The following CFAP36 variants were observed in gnomAD, a reference collection of about 807,000 sequenced individuals.
CFAP36 encodes the protein cilia and flagella associated protein 36, also known as cilia- and flagella-associated protein 36.
CFAP36 carries 37 observed loss-of-function variants against 50.5 expected under a neutral mutation model. The ratio of observed to expected loss-of-function variants is 0.73; its 90% CI spans 0.56 to 0.96. The LOEUF is 0.96. Among genes scored for constraint, CFAP36 ranks in the 50% least tolerant of loss-of-function variants. The pLI is 0.00. For missense variants in CFAP36, 407 were observed against 396.2 expected (o/e 1.03, Z -0.23); for synonymous variants, 138 against 128.2 (o/e 1.08, Z -0.52).
chr2:55,521,804 A>G (rs1167807021), intron 1 of CFAP36, among the ~76,000 whole-genome samples: 1 of 151,570 alleles, frequency 6.6e-6, no homozygotes, highest in African/African-American at 2.4e-5. Context: ...TGATTTTTGT[A>G]TTTTTAGTAG....
intron 2 of CFAP36, among the ~76,000 whole-genome samples, chr2:55,522,785 G>A (rs528620261): frequency 6.6e-6 from 1 of 152,222 alleles, no homozygotes; most frequent in East Asian, 2.0e-4. Context: ...TGCCCAGCCT[G>A]TCTTGTGATT....
At chr2:55,543,502 T>C (rs899916882) in intron 7 of CFAP36, among the ~76,000 whole-genome samples, 1 of 152,210 alleles carries the variant, frequency 6.6e-6, no homozygotes, top group Non-Finnish European at 1.5e-5. Context: ...AAAATTATAG[T>C]TTTACATTAA....
At position 55,543,950 on chromosome 2, in the gene CFAP36, A is replaced by G. The variant is rs1333617718; in HGVS notation, c.653A>G (p.His218Arg). The G allele has an allele frequency of 1.1e-5, 17 of 1,612,096 alleles. No homozygotes were observed. Among genetic ancestry groups the G allele is most frequent in the African/African-American group, 2.7e-5 (2 of 74,796 alleles). The change falls in exon 8 of 10, where the codon CAT becomes CGT. Residue 218 changes from histidine to arginine, a missense_variant. Physicochemically the swap from His to Arg is conservative, Grantham distance 29 (BLOSUM62 0). Coordinates refer to ENST00000349456, the MANE Select transcript of CFAP36 (RefSeq NM_080667.7). ...TACTTATTGCCAGAAGTTAAAATGC[A>G]TTTTGCTAATCAGTCAATAGAACCT... is the stretch of plus-strand genomic sequence containing the variant. ...FAHPPSEVKM[H>R]FANQSIEPLG...
intron 7 of CFAP36, among the ~76,000 whole-genome samples, chr2:55,543,555 G>A (rs1684695397): frequency 6.6e-6 from 1 of 152,170 alleles, no homozygotes; most frequent in Non-Finnish European, 1.5e-5. Context: ...GCAAGCAAAA[G>A]TTTGGAAACC....
At chr2:55,536,515 A>G (rs1025518741) in intron 6 of CFAP36, among the ~76,000 whole-genome samples, 15 of 151,770 alleles carry the variant, frequency 9.9e-5, no homozygotes, top group Non-Finnish European at 1.8e-4. Flanking sequence ...CAGTGGCGCA[A>G]TCTCGGCTCA....
chr2:55,521,593 A>ATGTGTGTGTGTGTGTG (rs72277001), intron 1 of CFAP36, among the ~76,000 whole-genome samples: 1 of 147,494 alleles, frequency 6.8e-6, no homozygotes, highest in African/African-American at 2.5e-5. Context: ...TTAATAGTAT[A>ATGTGTGTGTGTGTGTG]TATGTGTGTG....
At chr2:55,532,754 C>A (rs551948048) in intron 4 of CFAP36, among the ~76,000 whole-genome samples, 28 of 152,210 alleles carry the variant, frequency 1.8e-4, no homozygotes, top group African/African-American at 6.7e-4. Flanking sequence ...TAAGAGTAGA[C>A]CCAAAATCCT....
chr2:55,535,847 T>C (rs1170460668), intron 6 of CFAP36, 84 bp downstream of exon 6: 2 of 1,464,926 alleles, frequency 1.4e-6, no homozygotes, highest in Non-Finnish European at 1.8e-6. Context: ...TTAAAATTTA[T>C]ACTTATGTGG....
chr2:55,528,899 G>A lies in CFAP36; in HGVS notation c.304G>A (p.Ala102Thr). The change falls in exon 4 of 10, where the codon GCA becomes ACA. Residue 102 changes from alanine to threonine, a missense_variant. Transcript: ENST00000349456. ...ACAGGCCATTTTGCAACCTGTGTTG[G>A]CAGCAGAAGATTTTACTATCTTTAA... ...TSQAILQPVL[A>T]AEDFTIFKAM... 6.2e-7 allele frequency: 1 copy of A among 1,606,514 alleles called. No individual in the cohort carries two copies. Among genetic ancestry groups the A allele is most frequent in the South Asian group, 1.1e-5 (1 of 89,032 alleles).
intron 3 of CFAP36, 53 bp from the exon 4 acceptor site, chr2:55,528,825 G>C: frequency 9.5e-7 from 1 of 1,050,886 alleles, no homozygotes; most frequent in South Asian, 1.5e-5. Flanking sequence ...CGAATGTATG[G>C]GTAATAGTTT....
At chr2:55,521,852 A>G (rs1684076118) in intron 1 of CFAP36, among the ~76,000 whole-genome samples, 1 of 151,358 alleles carries the variant, frequency 6.6e-6, no homozygotes. Context: ...CTGGTCTCGA[A>G]CTCCTGATCG....
intron 1 of CFAP36, 54 bp downstream of exon 1, chr2:55,519,970 C>G (rs1684013392): frequency 6.5e-7 from 1 of 1,542,426 alleles, no homozygotes; most frequent in Non-Finnish European, 8.9e-7. Flanking sequence ...ACACCAGCGG[C>G]GGGCAGGGGG....
chr2:55,535,687 TTTATC>T lies in CFAP36; in HGVS notation c.486-20_486-16del, dbSNP rs1684462304. On this transcript the variant is annotated intron_variant, in intron 5 of 9. Transcript: ENST00000349456. ...TTGACCAAAAAAGGAAATTTATCTT[TTTATC>T]TTATTTTTGTATATTTCAGAAAATC... 6.7e-7 allele frequency: 1 copy of T among 1,494,144 alleles called. No individual in the cohort carries two copies. The allele number at this position is 1,494,144 out of a possible 1,614,324, so 92.6% of individuals were successfully genotyped here.
intron 7 of CFAP36, among the ~76,000 whole-genome samples, chr2:55,541,752 G>A (rs1168189052): frequency 2.0e-5 from 3 of 152,138 alleles, no homozygotes; most frequent in African/African-American, 7.2e-5. Flanking sequence ...AATCAGAAAG[G>A]TGAGAGAGGG....
chr2:55,535,794 T>TA (rs1558912676), intron 6 of CFAP36, 31 bp downstream of exon 6: 1 of 1,541,540 alleles, frequency 6.5e-7, no homozygotes, highest in Admixed American at 2.3e-5. Context: ...AGAAGTATTT[T>TA]ATTGCTGTTA....
At chr2:55,533,426 G>A (rs576530571) in intron 4 of CFAP36, among the ~76,000 whole-genome samples, 3 of 152,156 alleles carry the variant, frequency 2.0e-5, no homozygotes, top group South Asian at 4.1e-4. Flanking sequence ...AAAAATGGCC[G>A]GGAATGGTGG....
chr2:55,529,160 G>A (rs570538758), intron 4 of CFAP36, among the ~76,000 whole-genome samples, 168 bp downstream of exon 4: 7 of 152,112 alleles, frequency 4.6e-5, no homozygotes, highest in Admixed American at 3.3e-4. Flanking sequence ...AGTGGCTCAC[G>A]CCTGTAATCA....
intron 6 of CFAP36, among the ~76,000 whole-genome samples, chr2:55,537,223 T>C (rs1484959801): frequency 2.0e-5 from 3 of 151,942 alleles, no homozygotes; most frequent in African/African-American, 7.3e-5. Flanking sequence ...ATGCAACAAT[T>C]AGCCGAGCGT....
intron 2 of CFAP36, among the ~76,000 whole-genome samples, chr2:55,523,444 A>C (rs1684125057): frequency 1.3e-5 from 2 of 152,168 alleles, no homozygotes; most frequent in South Asian, 4.2e-4. Context: ...AGAAGAAAAA[A>C]AAATGCCTCT....
Sources: allele counts gnomAD v4.1 joint callset (sites outside exome capture counted in the v4.1 genomes callset), GRCh38; gene constraint gnomAD v4.1.1; transcripts MANE v1.5; gene names NCBI Gene and HGNC (gene_info 2026-07-23, HGNC 2026-07-21).